Variants in TCP1 observed in about 807,000 individuals in gnomAD.
TCP1 encodes T-complex protein 1 subunit alpha.
Under a neutral mutation model 54.7 loss-of-function variants are expected in TCP1, and 6 were observed. The observed-to-expected ratio is 0.11, with a 90% CI of 0.06 to 0.22. TCP1 has a LOEUF of 0.22. Ranked by LOEUF, TCP1 falls within the 10% of genes least tolerant of loss-of-function variation. The pLI is 1.00. For synonymous variants in TCP1, 225 were observed against 229.7 expected (o/e 0.98, Z 0.19); for missense variants, 511 against 678.2 (o/e 0.75, Z 2.74).
At position 159,785,390 on chromosome 6, in the gene TCP1, C is replaced by T; in HGVS notation, c.484G>A (p.Gly162Arg). The change falls in exon 5 of 12, where the codon GGA becomes AGA. Residue 162 changes from glycine to arginine, a missense_variant. Coordinates refer to ENST00000321394, the MANE Select transcript of TCP1 (RefSeq NM_030752.3). ...ATCTGACAACCACAAGGATACATTC[C>T]AATGATTTTGGAAGACATGGATGTC... ...AKTSMSSKII[G>R]INGDFFANMV... 6.2e-7 allele frequency: 1 copy of T among 1,609,828 alleles called. No individual in the cohort carries two copies. Among genetic ancestry groups the T allele is most frequent in the Non-Finnish European group, 8.5e-7 (1 of 1,177,724 alleles).
At chr6:159,784,184 T>C (rs1780639493) in intron 6 of TCP1, 117 bp from the exon 7 acceptor site, 26 of 1,304,686 alleles carry the variant, frequency 2.0e-5, no homozygotes, top group Non-Finnish European at 2.5e-5. Flanking sequence ...CATTTTATCT[T>C]AGAAAAATTT....
chr6:159,788,588 A>AG (rs1780757297), intron 1 of TCP1: 1 of 156,082 alleles, frequency 6.4e-6, no homozygotes, highest in African/African-American at 2.4e-5. Context: ...TGGCGGGGAA[A>AG]AAAAAAAAAA....
At chr6:159,787,655 C>G (rs932494089) in intron 3 of TCP1, 88 bp downstream of exon 3, 59 of 1,487,416 alleles carry the variant, frequency 4.0e-5, no homozygotes, top group Non-Finnish European at 4.9e-5. Flanking sequence ...TTATTTCTGA[C>G]ACAGCACAAA....
rs1403560855 is a variant in TCP1, at chr6:159,778,676, G to A, written c.*369C>T. On this transcript the variant is annotated 3_prime_UTR_variant, in exon 12 of 12. Transcript: ENST00000321394. ...CCCGTTAGGTCAATATTGAAGGAGGGGCTATAGCCTTGGGCCACCCTCTTG... is the reference window on the plus strand; with the variant it reads ...CCCGTTAGGTCAATATTGAAGGAGGAGCTATAGCCTTGGGCCACCCTCTTG... The A allele has an allele frequency of 2.5e-6, 4 of 1,614,060 alleles. No homozygotes were observed. The highest frequency in any genetic ancestry group is 2.7e-5 in the African/African-American group (2 of 74,986).
At position 159,781,057 on chromosome 6, in the gene TCP1, T is replaced by G. The variant is rs777637046; in HGVS notation, c.851A>C (p.Asn284Thr). ...AATTCCACCAGTGGTTAGAATAACA[T>G]TGGCACCAGTTGCCAGGATCTTCTG... ...RIQKILATGA[N>T]VILTTGGIDD... Residue 284 changes from asparagine to threonine, a missense_variant, in exon 8 of 12, where the codon AAT becomes ACT. Physicochemically the swap from Asn to Thr is moderately conservative, Grantham distance 65. Coordinates refer to ENST00000321394, the MANE Select transcript of TCP1 (RefSeq NM_030752.3). The G allele has an allele frequency of 6.2e-7, 1 of 1,612,062 alleles. No individual in the cohort carries two copies. The highest frequency in any genetic ancestry group is 8.5e-7 in the Non-Finnish European group (1 of 1,179,440).
intron 8 of TCP1, 68 bp downstream of exon 8, chr6:159,780,867 G>T: frequency 6.7e-7 from 1 of 1,492,736 alleles, no homozygotes; most frequent in Non-Finnish European, 8.9e-7. Flanking sequence ...ATATTCCAAT[G>T]TAAAAAGACC....
intron 1 of TCP1, 148 bp downstream of exon 1, chr6:159,789,257 G>C (rs903304982): frequency 1.2e-6 from 1 of 857,324 alleles, no homozygotes. Flanking sequence ...CTGCCCCAGA[G>C]AACGGCGGGT....
intron 7 of TCP1, 92 bp from the exon 8 acceptor site, chr6:159,781,202 T>G: frequency 9.0e-7 from 1 of 1,109,498 alleles, no homozygotes; most frequent in Non-Finnish European, 1.3e-6. Context: ...TAATCATAGA[T>G]CAAATTGTAT....
intron 3 of TCP1, among the ~76,000 whole-genome samples, chr6:159,787,125 T>C (rs1400945613): frequency 2.7e-5 from 4 of 150,110 alleles, no homozygotes; most frequent in Middle Eastern, 3.3e-3. Context: ...TGGTGGCACA[T>C]GCCTGCAATC....
In TCP1 at chr6:159,778,855, A is replaced by AT; in HGVS notation, c.*189dup. 6.2e-7 allele frequency: 1 copy of AT among 1,613,734 alleles called. No individual in the cohort carries two copies. Among genetic ancestry groups the AT allele is most frequent in the Non-Finnish European group, 8.5e-7 (1 of 1,179,648 alleles). ...ATTGCTTAAACTTTGAACAACCTCA[A>AT]TTTCTTTTTAAACTAATAAAGTACT... On this transcript the variant is annotated 3_prime_UTR_variant, in exon 12 of 12. Transcript: ENST00000321394.
At chr6:159,780,207 T>TA in intron 9 of TCP1, 120 bp from the exon 10 acceptor site, 1 of 1,323,532 alleles carries the variant, frequency 7.6e-7, no homozygotes, top group Non-Finnish European at 1.1e-6. Context: ...AAAGTTCCCT[T>TA]AAGTCCTGCC....
intron 11 of TCP1, 87 bp from the exon 12 acceptor site, chr6:159,779,348 T>C (rs148985346): frequency 8.7e-6 from 11 of 1,265,374 alleles, no homozygotes; most frequent in Middle Eastern, 1.9e-4. Flanking sequence ...AGTATTAAGG[T>C]TGATTTTTAA....
rs770193258 is a variant in TCP1 at position 159,779,001 on chromosome 6, A to G, written c.*44T>C. ...TGTGTAATACTCAACTCAAGGTACA[A>G]GACAATTGCATTTAACATTGTTATA... On this transcript the variant is annotated 3_prime_UTR_variant, in exon 12 of 12. Coordinates refer to ENST00000321394, the MANE Select transcript of TCP1 (RefSeq NM_030752.3). 1 of 1,592,346 alleles carries G rather than the reference A, an allele frequency of 6.3e-7. No homozygotes were observed. The highest frequency in any genetic ancestry group is 1.7e-5 in the Admixed American group (1 of 58,980).
intron 7 of TCP1, among the ~76,000 whole-genome samples, chr6:159,781,909 A>AT (rs1445770835): frequency 6.6e-6 from 1 of 152,250 alleles, no homozygotes; most frequent in Non-Finnish European, 1.5e-5. Context: ...CAAGACTAGT[A>AT]TATCATCTGT....
chr6:159,778,824 G>T lies in TCP1; in HGVS notation c.*221C>A, dbSNP rs1780497961. 2 of 1,613,956 alleles carry T rather than the reference G, an allele frequency of 1.2e-6. No homozygotes were observed. Among genetic ancestry groups the T allele is most frequent in the South Asian group, 2.2e-5 (2 of 91,066 alleles). On this transcript the variant is annotated 3_prime_UTR_variant, in exon 12 of 12. Coordinates refer to ENST00000321394, the MANE Select transcript of TCP1 (RefSeq NM_030752.3). ...GGGAATAGCAATGTGTGTTCAGAGA[G>T]AATGAATTGCTTAAACTTTGAACAA... is the stretch of plus-strand genomic sequence containing the variant.
At chr6:159,783,887 A>T (rs1053083365) in intron 7 of TCP1, 54 bp downstream of exon 7, 1 of 1,519,332 alleles carries the variant, frequency 6.6e-7, no homozygotes, top group Non-Finnish European at 8.8e-7. Context: ...TAAAAATGTT[A>T]AAGTCCTCCA....
chr6:159,783,581 A>C (rs1780625715), intron 7 of TCP1, among the ~76,000 whole-genome samples: 1 of 152,030 alleles, frequency 6.6e-6, no homozygotes, highest in East Asian at 1.9e-4. Flanking sequence ...TCAGGCAGTC[A>C]AATCTATAGC....
intron 10 of TCP1, 36 bp downstream of exon 10, chr6:159,779,859 T>C: frequency 6.2e-7 from 1 of 1,608,158 alleles, no homozygotes; most frequent in South Asian, 1.1e-5. Flanking sequence ...CAGCTACTGC[T>C]CTCAGGCCTC....
intron 1 of TCP1, 100 bp downstream of exon 1, chr6:159,789,305 G>T: frequency 1.4e-6 from 2 of 1,398,130 alleles, no homozygotes; most frequent in African/African-American, 1.4e-5. Flanking sequence ...GGCCCTTTCT[G>T]CGGAGGTAAA....
Sources: allele counts gnomAD v4.1 joint callset (sites outside exome capture counted in the v4.1 genomes callset), GRCh38; gene constraint gnomAD v4.1.1; transcripts MANE v1.5; gene names NCBI Gene and HGNC (gene_info 2026-07-23, HGNC 2026-07-21).